The following MCF2L variants were observed in gnomAD, a reference collection of about 807,000 sequenced individuals.
MCF2L encodes the protein MCF.2 cell line derived transforming sequence like, also known as guanine nucleotide exchange factor DBS.
A neutral mutation model predicts 153.4 loss-of-function variants in MCF2L; 97 were observed. The ratio of observed to expected loss-of-function variants is 0.63; its 90% CI spans 0.54 to 0.75. MCF2L has a LOEUF of 0.75. Ranked by LOEUF, MCF2L falls within the 30% of genes least tolerant of loss-of-function variation. MCF2L has a pLI of 0.00. For synonymous variants in MCF2L, 659 were observed against 632.2 expected, an observed-to-expected ratio of 1.04 and a Z score of -0.64; for missense variants, 1,347 against 1,495.2, an observed-to-expected ratio of 0.90 and a Z score of 1.64.
At chr13:113,083,883 C>T (rs1046955056) in intron 17 of MCF2L, 115 bp from the exon 18 acceptor site, 14 of 789,196 alleles carry the variant, frequency 1.8e-5, no homozygotes, top group African/African-American at 3.4e-5. Context: ...TCATGCGGGG[C>T]AGATTGCCCA....
intron 26 of MCF2L, among the ~76,000 whole-genome samples, chr13:113,092,793 G>A (rs750031953): frequency 7.9e-5 from 12 of 152,212 alleles, no homozygotes; most frequent in African/African-American, 9.6e-5. Flanking sequence ...GGCCTCCCCC[G>A]CGCCCTGTTC....
At chr13:113,016,655 C>T (rs117937773) in intron 2 of MCF2L, among the ~76,000 whole-genome samples, 211 of 152,304 alleles carry the variant, frequency 1.4e-3, no homozygotes, top group Admixed American at 3.4e-3. Context: ...CTGCCCACCC[C>T]CTGGAGGCAG....
At chr13:112,928,217 G>C (rs907179401) in intron 2 of MCF2L, among the ~76,000 whole-genome samples, 7 of 152,198 alleles carry the variant, frequency 4.6e-5, no homozygotes, top group African/African-American at 1.7e-4. Context: ...GGTGAAACGC[G>C]GCCGGCCGTG....
At chr13:113,024,899 G>C in intron 3 of MCF2L, 141 bp downstream of exon 3, 1 of 679,376 alleles carries the variant, frequency 1.5e-6, no homozygotes, top group Non-Finnish European at 2.6e-6. Flanking sequence ...CGTGACTGTG[G>C]GTCGGGGCAG....
At chr13:112,995,267 G>A (rs2083077182) in intron 1 of MCF2L, among the ~76,000 whole-genome samples, 1 of 152,214 alleles carries the variant, frequency 6.6e-6, no homozygotes. Flanking sequence ...GTAGACCGGG[G>A]CTCGCTCTCG....
In MCF2L at chr13:113,057,359, GTGTT is replaced by G. The variant is rs202158758; in HGVS notation, c.370-3231_370-3228del. Among the ~76,000 whole-genome samples the G allele has an allele frequency of 2.5e-3, 366 of 148,262 alleles. 1 individual carries two copies. The highest frequency in any genetic ancestry group is 6.9e-3 in the African/African-American group (277 of 40,002). On this transcript the variant is annotated intron_variant, in intron 4 of 29. Transcript: ENST00000535094. ...TGAGTGGGTGCTGTGTGGGCGCTGA[GTGTT>G]TGGGGGCTGTTTGGGCACTGAGTGT...
At chr13:112,918,702 C>T (rs1254386081) in intron 2 of MCF2L, among the ~76,000 whole-genome samples, 1 of 152,170 alleles carries the variant, frequency 6.6e-6, no homozygotes, top group Non-Finnish European at 1.5e-5. Flanking sequence ...CTGGGAGGTG[C>T]TGTGGATATA....
intron 7 of MCF2L, 36 bp downstream of exon 7, chr13:113,065,121 G>C (rs770895231): frequency 1.6e-5 from 26 of 1,594,812 alleles, no homozygotes; most frequent in Non-Finnish European, 2.2e-5. Flanking sequence ...AGCTGTGGGG[G>C]GCTCCGGTCA....
intron 26 of MCF2L, 199 bp from the exon 27 acceptor site, chr13:113,094,315 C>T (rs1384080046): frequency 4.7e-6 from 2 of 421,434 alleles, no homozygotes; most frequent in Non-Finnish European, 8.1e-6. Context: ...GTCTCAAACC[C>T]TGAAACGTGC....
chr13:113,091,279 C>T lies in MCF2L; in HGVS notation c.2953+1551C>T, dbSNP rs1310023210. ...CTGGCTGTCAGGTGGCCGTCAAGGCCACCTAAGGGGGATGCTCTCGTGGGT... is the reference window on the plus strand; with the variant it reads ...CTGGCTGTCAGGTGGCCGTCAAGGCTACCTAAGGGGGATGCTCTCGTGGGT... On this transcript the variant is annotated intron_variant, in intron 26 of 29. Transcript: ENST00000535094. 19 of 1,187,936 alleles carry T rather than the reference C, an allele frequency of 1.6e-5. No homozygotes were observed. The East Asian group carries it at 9.8e-4, about 61-fold the overall frequency. 73.6% of individuals were successfully genotyped at this position (1,187,936 alleles called of 1,614,324 possible). A position where few individuals can be genotyped will look rare whatever the true frequency, so the allele number is the denominator to read the frequency against.
At chr13:112,999,406 G>A (rs536636320) in intron 1 of MCF2L, among the ~76,000 whole-genome samples, 2 of 152,354 alleles carry the variant, frequency 1.3e-5, no homozygotes, top group African/African-American at 2.4e-5. Context: ...CCTCTCCTTA[G>A]AGGACAGCCT....
intron 1 of MCF2L, chr13:113,010,115 A>ACCC (rs150598250): frequency 6.4e-4 from 61 of 94,846 alleles, no homozygotes; most frequent in Admixed American, 7.9e-4. Context: ...CACCCCCCAT[A>ACCC]CCCCCCCCAC....
intron 2 of MCF2L, among the ~76,000 whole-genome samples, chr13:113,016,194 A>C (rs1205561900): frequency 2.0e-5 from 3 of 152,186 alleles, no homozygotes; most frequent in Non-Finnish European, 4.4e-5. Flanking sequence ...AGCTAACTTT[A>C]AGATCTTCCT....
Position 113,095,159 on chromosome 13 carries a change from A to G in MCF2L, c.3075+524A>G, listed in dbSNP as rs2035543223. 5.5e-6 allele frequency: 7 copies of G among 1,276,242 alleles called. No homozygotes were observed. In the African/African-American group the frequency reaches 6.2e-5, roughly 11 times the overall value. The allele number at this position is 1,276,242 out of a possible 1,614,324, so 79.1% of individuals were successfully genotyped here. ...GCATTTGAAAAAACATTCATTGTTA[A>G]TGTCAGAAGCAAGAAAAAGCTGCCA... On this transcript the variant is annotated intron_variant, in intron 27 of 29. Transcript: ENST00000535094.
At chr13:113,024,575 G>C in intron 2 of MCF2L, 69 bp from the exon 3 acceptor site, 1 of 940,024 alleles carries the variant, frequency 1.1e-6, no homozygotes, top group Non-Finnish European at 1.7e-6. Context: ...ATGAAAACGG[G>C]CCGACATCTG....
chr13:112,995,193 C>T (rs1035944599), intron 1 of MCF2L, among the ~76,000 whole-genome samples: 2 of 152,212 alleles, frequency 1.3e-5, no homozygotes, highest in African/African-American at 4.8e-5. Flanking sequence ...TTTACAGACT[C>T]GCTCACGGAG....
At chr13:113,094,993 C>A in intron 27 of MCF2L, 2 of 1,378,248 alleles carry the variant, frequency 1.5e-6, no homozygotes, top group Non-Finnish European at 1.9e-6. Context: ...TCCTGTAGAG[C>A]CCACTCGTGG....
intron 2 of MCF2L, among the ~76,000 whole-genome samples, chr13:112,946,633 C>T (rs1441250294): frequency 6.6e-6 from 1 of 152,196 alleles, no homozygotes; most frequent in Non-Finnish European, 1.5e-5. Context: ...GGTGGTGAAA[C>T]TGACACCTAA....
intron 3 of MCF2L, among the ~76,000 whole-genome samples, chr13:113,039,205 G>T (rs9604013): frequency 0.11 from 17,304 of 152,202 alleles, 1,084 homozygotes; most frequent in Admixed American, 0.19. Flanking sequence ...TAGCACAGAG[G>T]GGGATGGACG....
Sources: allele counts gnomAD v4.1 joint callset (sites outside exome capture counted in the v4.1 genomes callset), GRCh38; gene constraint gnomAD v4.1.1; transcripts MANE v1.5; gene names NCBI Gene and HGNC (gene_info 2026-07-23, HGNC 2026-07-21).